The following TENM3 variants were observed in gnomAD, a reference collection of about 807,000 sequenced individuals.
TENM3 encodes teneurin-3.
Under a neutral mutation model 255.1 loss-of-function variants are expected in TENM3, and 63 were observed. That is an observed-to-expected ratio of 0.25 (90% CI 0.20 to 0.30). TENM3 has a LOEUF of 0.30. Ranked by LOEUF, TENM3 falls within the 10% of genes least tolerant of loss-of-function variation. The pLI is 1.00. For synonymous variants in TENM3, 1,306 were observed against 1,322.3 expected, an observed-to-expected ratio of 0.99 and a Z score of 0.27; for missense variants, 2,929 against 3,461.1, an observed-to-expected ratio of 0.85 and a Z score of 3.86.
the TENM3 span, among the ~76,000 whole-genome samples, chr4:182,039,438 G>A: frequency 6.6e-6 from 1 of 152,098 alleles, no homozygotes; most frequent in African/African-American, 2.4e-5. Flanking sequence ...GGCAGCACTG[G>A]TGCAAAAAGT....
At chr4:182,525,437 G>A (rs1739054753) in intron 3 of TENM3, among the ~76,000 whole-genome samples, 1 of 152,190 alleles carries the variant, frequency 6.6e-6, no homozygotes, top group Admixed American at 6.5e-5. Context: ...AAGTCATACA[G>A]TAATAGTTGC....
At chr4:182,349,843 T>A in intron 3 of TENM3, 1 of 386,540 alleles carries the variant, frequency 2.6e-6, no homozygotes, top group Non-Finnish European at 5.1e-6. Flanking sequence ...TATACTAGCT[T>A]GAGATGTGTT....
At chr4:181,611,744 A>G in the TENM3 span, among the ~76,000 whole-genome samples, 1 of 152,250 alleles carries the variant, frequency 6.6e-6, no homozygotes, top group Non-Finnish European at 1.5e-5. Context: ...CAGGGCTACT[A>G]GAGATTAAAT....
the TENM3 span, among the ~76,000 whole-genome samples, chr4:181,843,617 C>T: frequency 1.3e-5 from 2 of 151,866 alleles, no homozygotes; most frequent in Non-Finnish European, 2.9e-5. Flanking sequence ...CATAGAACAC[C>T]GGAGACTGGG....
chr4:182,528,872 C>T (rs1242879669), intron 3 of TENM3, among the ~76,000 whole-genome samples: 1 of 152,202 alleles, frequency 6.6e-6, no homozygotes, highest in African/African-American at 2.4e-5. Flanking sequence ...CACAGCTGTC[C>T]TGGGTTGCAT....
the TENM3 span, among the ~76,000 whole-genome samples, chr4:181,589,812 C>T: frequency 6.6e-6 from 1 of 152,146 alleles, no homozygotes; most frequent in Non-Finnish European, 1.5e-5. Context: ...TTAATAAAGA[C>T]CGTACGTGAT....
the TENM3 span, among the ~76,000 whole-genome samples, chr4:181,852,150 C>G: frequency 6.6e-6 from 1 of 152,112 alleles, no homozygotes; most frequent in East Asian, 1.9e-4. Context: ...CTTTTAATAC[C>G]TTACAAGAGA....
the TENM3 span, among the ~76,000 whole-genome samples, chr4:181,612,214 G>A: frequency 2.0e-5 from 3 of 152,118 alleles, no homozygotes; most frequent in South Asian, 6.2e-4. Flanking sequence ...ACACACGAAA[G>A]CTCTATAATT....
chr4:182,679,735 G>A lies in TENM3; in HGVS notation c.1396G>A (p.Glu466Lys). 6.2e-7 allele frequency: 1 copy of A among 1,613,792 alleles called. No individual in the cohort carries two copies. Among genetic ancestry groups the A allele is most frequent in the East Asian group, 2.2e-5 (1 of 44,878 alleles). The change falls in exon 8 of 28, where the codon GAG becomes AAG. Residue 466 changes from glutamate to lysine, a missense_variant. This residue lies in a region of TENM3 where 1,608 missense variants were observed against 1,884.4 expected (regional missense o/e 0.85). Coordinates refer to ENST00000511685, the MANE Select transcript of TENM3 (RefSeq NM_001080477.4). Reference sequence around the variant, plus strand: ...AGAGCAGCGGAGCCTGCTTGAGACGGAGAGAGCCGGGCGGCAGGCGAGATC... The same window carrying A: ...AGAGCAGCGGAGCCTGCTTGAGACGAAGAGAGCCGGGCGGCAGGCGAGATC... ...AREQRSLLET[E>K]RAGRQARSVS...
chr4:181,546,676 T>A, the TENM3 span, among the ~76,000 whole-genome samples: 1 of 133,726 alleles, frequency 7.5e-6, no homozygotes, highest in Non-Finnish European at 1.5e-5. Context: ...ATCGCGCCAC[T>A]GCACTCCAGC....
the TENM3 span, among the ~76,000 whole-genome samples, chr4:181,838,027 A>T: frequency 6.6e-6 from 1 of 152,054 alleles, no homozygotes; most frequent in Non-Finnish European, 1.5e-5. Context: ...AATCCCAGTG[A>T]CTCAGAAGTC....
chr4:181,670,878 A>C, the TENM3 span, among the ~76,000 whole-genome samples: 4 of 152,202 alleles, frequency 2.6e-5, no homozygotes, highest in Non-Finnish European at 5.9e-5. Context: ...AAAAATCTAA[A>C]CAGCAGAAAA....
rs753859957 is a variant in TENM3 at position 182,324,104 on chromosome 4, A to G, written c.84A>G (p.Ala28=). ...EKERRYTNSS[A]DNEECRVPTQ... ...AACGGCGCTACACAAATTCCTCCGC[A>G]GACAATGAGGAGTGCCGGGTACCCA... is the stretch of plus-strand genomic sequence containing the variant. Residue 28 remains alanine (A), a synonymous_variant, in exon 2 of 28, where the codon GCA becomes GCG. Coordinates refer to ENST00000511685, the MANE Select transcript of TENM3 (RefSeq NM_001080477.4). The G allele has an allele frequency of 1.9e-6, 3 of 1,614,002 alleles. No homozygotes were observed. The highest frequency in any genetic ancestry group is 1.7e-6 in the Non-Finnish European group (2 of 1,179,892).
intron 5 of TENM3, among the ~76,000 whole-genome samples, chr4:182,647,415 CT>C (rs1752852741): frequency 1.3e-5 from 2 of 152,216 alleles, no homozygotes; most frequent in South Asian, 4.1e-4. Flanking sequence ...CACCATTCTA[CT>C]TTAAGATTCT....
chr4:181,500,319 G>A, the TENM3 span, among the ~76,000 whole-genome samples: 2 of 148,126 alleles, frequency 1.4e-5, no homozygotes, highest in Non-Finnish European at 3.0e-5. Context: ...GTGAGCCACC[G>A]CACCCGGCCT....
intron 1 of TENM3, among the ~76,000 whole-genome samples, chr4:182,186,377 A>T (rs1753152153): frequency 6.6e-6 from 1 of 152,158 alleles, no homozygotes; most frequent in African/African-American, 2.4e-5. Flanking sequence ...CATAGTTTTA[A>T]TTATTCCTTT....
chr4:182,341,658 A>G (rs1210228223), intron 2 of TENM3, among the ~76,000 whole-genome samples: 2 of 152,254 alleles, frequency 1.3e-5, no homozygotes, highest in Non-Finnish European at 2.9e-5. Context: ...ACTTGTTTAA[A>G]TAAACATTCT....
the TENM3 span, among the ~76,000 whole-genome samples, chr4:181,762,725 C>T: frequency 7.2e-5 from 11 of 152,186 alleles, no homozygotes; most frequent in Non-Finnish European, 4.4e-5. Context: ...ATTATCAAAA[C>T]TTCTTATTTA....
At chr4:181,738,998 G>A in the TENM3 span, among the ~76,000 whole-genome samples, 56 of 152,014 alleles carry the variant, frequency 3.7e-4, no homozygotes, top group African/African-American at 1.3e-3. Context: ...AGGTTAGCTG[G>A]CAAGGGCACA....
Sources: gnomAD v4.1 joint callset for allele counts (sites outside exome capture counted in the v4.1 genomes callset) on GRCh38, gnomAD v4.1.1 for gene constraint, gnomAD v4.1.1 regional missense constraint, MANE v1.5 for transcripts, NCBI Gene and HGNC (gene_info 2026-07-23, HGNC 2026-07-21) for gene names.